AGBL4: variants seen among roughly 807,000 people sequenced by gnomAD.
The protein encoded by AGBL4 is AGBL carboxypeptidase 4.
AGBL4 carries 58 observed loss-of-function variants against 66.4 expected under a neutral mutation model. That is an observed-to-expected ratio of 0.87 (90% CI 0.71 to 1.09). AGBL4 has a LOEUF of 1.09. AGBL4 is among the 50% of genes least tolerant of loss of function. AGBL4 has a pLI of 0.00. For synonymous variants in AGBL4, 234 were observed against 222.9 expected, an observed-to-expected ratio of 1.05 and a Z score of -0.44; for missense variants, 579 against 631.0, an observed-to-expected ratio of 0.92 and a Z score of 0.88.
intron 3 of AGBL4, among the ~76,000 whole-genome samples, chr1:49,534,091 G>A (rs1045287531): frequency 7.2e-6 from 1 of 139,352 alleles, no homozygotes; most frequent in African/African-American, 2.7e-5. Flanking sequence ...CAACTAAAAA[G>A]CATTTTTCTA....
chr1:49,743,599 C>T (rs776319470), intron 2 of AGBL4, among the ~76,000 whole-genome samples: 20 of 152,054 alleles, frequency 1.3e-4, no homozygotes, highest in East Asian at 5.8e-4. Flanking sequence ...AAGACACATG[C>T]GCACGTATGT....
intron 2 of AGBL4, among the ~76,000 whole-genome samples, chr1:49,721,275 C>T (rs777830106): frequency 6.6e-6 from 1 of 152,146 alleles, no homozygotes; most frequent in Non-Finnish European, 1.5e-5. Context: ...CCGCTCGGGT[C>T]CCCTTCGACA....
chr1:49,340,628 A>G (rs1488518765), intron 3 of AGBL4, among the ~76,000 whole-genome samples: 1 of 152,192 alleles, frequency 6.6e-6, no homozygotes, highest in Non-Finnish European at 1.5e-5. Context: ...TAAGGGCACT[A>G]GAGTAATCTT....
intron 8 of AGBL4, among the ~76,000 whole-genome samples, chr1:48,653,033 C>A (rs1395413181): frequency 6.6e-6 from 1 of 151,986 alleles, no homozygotes; most frequent in Non-Finnish European, 1.5e-5. Flanking sequence ...GAAACTGAGC[C>A]CAGAGAGGGA....
chr1:49,498,408 G>C (rs1647809012), intron 3 of AGBL4, among the ~76,000 whole-genome samples: 1 of 151,814 alleles, frequency 6.6e-6, no homozygotes, highest in African/African-American at 2.4e-5. Flanking sequence ...AATAGAAGAG[G>C]CAAGAGTGAG....
intron 4 of AGBL4, among the ~76,000 whole-genome samples, chr1:49,217,818 G>A (rs1413803587): frequency 6.6e-6 from 1 of 152,016 alleles, no homozygotes; most frequent in African/African-American, 2.4e-5. Flanking sequence ...CCTGTTATTT[G>A]TCATTTTCTA....
At chr1:49,937,653 G>C (rs1654230323) in intron 1 of AGBL4, among the ~76,000 whole-genome samples, 1 of 152,190 alleles carries the variant, frequency 6.6e-6, no homozygotes, top group South Asian at 2.1e-4. Context: ...TCAGACCACA[G>C]TGCGATCAAA....
chr1:49,069,153 T>G (rs1404225998), intron 4 of AGBL4, among the ~76,000 whole-genome samples: 1 of 152,244 alleles, frequency 6.6e-6, no homozygotes, highest in African/African-American at 2.4e-5. Context: ...ATGGCTAGAT[T>G]GCAAAAATTT....
chr1:49,466,665 C>A (rs1343511722), intron 3 of AGBL4, among the ~76,000 whole-genome samples: 1 of 151,808 alleles, frequency 6.6e-6, no homozygotes, highest in Non-Finnish European at 1.5e-5. Context: ...ATTAATTAAT[C>A]TAACTACACT....
intron 3 of AGBL4, among the ~76,000 whole-genome samples, chr1:49,371,391 G>A (rs1644342611): frequency 6.6e-6 from 1 of 152,086 alleles, no homozygotes; most frequent in Admixed American, 6.6e-5. Context: ...AGGGGAGGTA[G>A]TATGCTTGTT....
At chr1:49,012,070 C>T (rs1053732802) in intron 5 of AGBL4, among the ~76,000 whole-genome samples, 1 of 151,318 alleles carries the variant, frequency 6.6e-6, no homozygotes, top group Non-Finnish European at 1.5e-5. Context: ...AAAAAAGGAA[C>T]TCCCCCACCC....
At chr1:49,930,192 A>G (rs1323893388) in intron 1 of AGBL4, among the ~76,000 whole-genome samples, 1 of 152,122 alleles carries the variant, frequency 6.6e-6, no homozygotes, top group Non-Finnish European at 1.5e-5. Flanking sequence ...ACAACTTTAC[A>G]CTAATAAATT....
intron 1 of AGBL4, among the ~76,000 whole-genome samples, chr1:49,867,007 T>A (rs924223363): frequency 6.6e-6 from 1 of 152,100 alleles, no homozygotes; most frequent in Non-Finnish European, 1.5e-5. Context: ...GGCTTTAATG[T>A]TGTTTCCTTC....
At chr1:48,984,607 A>T (rs529676048) in intron 5 of AGBL4, among the ~76,000 whole-genome samples, 42 of 150,200 alleles carry the variant, frequency 2.8e-4, no homozygotes, top group East Asian at 8.2e-4. Context: ...GTAAAAAATT[A>T]AAAAAAACCC....
intron 6 of AGBL4, among the ~76,000 whole-genome samples, chr1:48,845,066 AG>A (rs1328701424): frequency 6.6e-6 from 1 of 152,232 alleles, no homozygotes; most frequent in African/African-American, 2.4e-5. Flanking sequence ...TTCTTGTATT[AG>A]GACCAGTCCC....
Position 49,245,761 on chromosome 1 carries a change from A to C in AGBL4, c.377+9T>G. The stretch of plus-strand genomic sequence containing the variant: ...ACCAGGAAGGGGTCCCATTCTGTAG[A>C]TCACTTACCATTTTGGTCTGCTGGT... On this transcript the variant is annotated intron_variant, in intron 4 of 13. Coordinates refer to ENST00000371839, the MANE Select transcript of AGBL4 (RefSeq NM_032785.4). 1 of 1,545,372 alleles carries C rather than the reference A, an allele frequency of 6.5e-7. No homozygotes were observed. The highest frequency in any genetic ancestry group is 8.8e-7 in the Non-Finnish European group (1 of 1,141,666).
intron 5 of AGBL4, among the ~76,000 whole-genome samples, chr1:48,897,806 CTTT>C (rs55889870): frequency 0.015 from 1,900 of 127,720 alleles, 24 homozygotes; most frequent in African/African-American, 0.041. Flanking sequence ...CTTTTGCCCA[CTTT>C]TTTTTTTTTT....
At chr1:48,544,770 C>A (rs12117188) in intron 11 of AGBL4, among the ~76,000 whole-genome samples, 1 of 152,114 alleles carries the variant, frequency 6.6e-6, no homozygotes, top group Non-Finnish European at 1.5e-5. Flanking sequence ...GATTCCCAGC[C>A]AGCCTACAGC....
intron 3 of AGBL4, among the ~76,000 whole-genome samples, chr1:49,635,258 A>C (rs1645649368): frequency 6.6e-6 from 1 of 152,222 alleles, no homozygotes; most frequent in African/African-American, 2.4e-5. Flanking sequence ...GATAGACTTC[A>C]GATATAAATA....
Sources: allele counts gnomAD v4.1 joint callset (sites outside exome capture counted in the v4.1 genomes callset), GRCh38; gene constraint gnomAD v4.1.1; transcripts MANE v1.5; gene names NCBI Gene and HGNC (gene_info 2026-07-23, HGNC 2026-07-21).